The following FRYL variants were observed in gnomAD, a reference collection of about 807,000 sequenced individuals.
FRYL encodes the protein FRY like transcription coactivator, also known as protein furry homolog-like.
Under a neutral mutation model 351.2 loss-of-function variants are expected in FRYL, and 150 were observed. That is an observed-to-expected ratio of 0.43 (90% CI 0.37 to 0.49). The LOEUF (loss-of-function observed/expected upper bound fraction) is 0.49. Among genes scored for constraint, FRYL ranks in the 20% least tolerant of loss-of-function variants. The pLI, the probability that FRYL is intolerant of heterozygous loss-of-function variation, is 0.00. For synonymous variants in FRYL, 1,153 were observed against 1,257.1 expected (o/e 0.92, Z 1.75); for missense variants, 3,036 against 3,619.3 (o/e 0.84, Z 4.13).
At chr4:48,701,901 T>C (rs754091333) in intron 2 of FRYL, among the ~76,000 whole-genome samples, 6 of 152,218 alleles carry the variant, frequency 3.9e-5, no homozygotes, top group Non-Finnish European at 5.9e-5. Context: ...TACTGTCTTA[T>C]AAACATATTT....
intron 1 of FRYL, among the ~76,000 whole-genome samples, chr4:48,712,384 G>C (rs1306329306): frequency 1.3e-5 from 2 of 152,172 alleles, no homozygotes; most frequent in East Asian, 1.9e-4. Context: ...GGAGCCGATG[G>C]AGCTGAAAGC....
chr4:48,692,660 T>TCCCTAA (rs1460876913), intron 2 of FRYL, among the ~76,000 whole-genome samples: 1 of 152,246 alleles, frequency 6.6e-6, no homozygotes, highest in Non-Finnish European at 1.5e-5. Context: ...CCCTAAGTGC[T>TCCCTAA]GGGAGTACAC....
At position 48,534,555 on chromosome 4, in the gene FRYL, T is replaced by C; in HGVS notation, c.6695A>G (p.Lys2232Arg). 6.2e-7 allele frequency: 1 copy of C among 1,612,054 alleles called. No individual in the cohort carries two copies. Among genetic ancestry groups the C allele is most frequent in the Non-Finnish European group, 8.5e-7 (1 of 1,179,016 alleles). Residue 2232 changes from lysine to arginine, a missense_variant, in exon 49 of 64, where the codon AAA becomes AGA. Around this residue, in one of 7 missense-constraint regions of FRYL, gnomAD observed 1,987 missense variants for 2,311.7 expected, o/e 0.86. Transcript: ENST00000358350. ...FNLEIIKIIGKYVQSPYWKEA... is the reference protein window; with the variant it reads ...FNLEIIKIIGRYVQSPYWKEA... Reference sequence around the variant, plus strand: ...TTTGTGGTCACTCACCTGTACATATTTGCCAATAATCTTTATGATCTCCAG... The same window carrying C: ...TTTGTGGTCACTCACCTGTACATATCTGCCAATAATCTTTATGATCTCCAG...
At chr4:48,734,047 A>C (rs548239479) in intron 1 of FRYL, among the ~76,000 whole-genome samples, 13 of 152,206 alleles carry the variant, frequency 8.5e-5, no homozygotes, top group Admixed American at 7.9e-4. Context: ...TATTGTAGAT[A>C]TTAAACCAAC....
At chr4:48,594,624 T>A (rs1459127575) in intron 15 of FRYL, among the ~76,000 whole-genome samples, 1 of 152,232 alleles carries the variant, frequency 6.6e-6, no homozygotes. Context: ...GAATTACCAT[T>A]ACTTTTGTAC....
At chr4:48,749,528 C>T (rs1345351813) in intron 1 of FRYL, among the ~76,000 whole-genome samples, 1 of 152,086 alleles carries the variant, frequency 6.6e-6, no homozygotes, top group East Asian at 1.9e-4. Flanking sequence ...TGTGCCTTGT[C>T]GGGATCCTGG....
At chr4:48,678,869 G>C (rs1188039606) in intron 3 of FRYL, among the ~76,000 whole-genome samples, 1 of 151,808 alleles carries the variant, frequency 6.6e-6, no homozygotes, top group Non-Finnish European at 1.5e-5. Context: ...CTGCTTATTT[G>C]CAAATTAATA....
In FRYL at chr4:48,713,264, T is replaced by C. The variant is rs1578803305; in HGVS notation, c.-383-2566A>G. Among the ~76,000 whole-genome samples the C allele has an allele frequency of 2.0e-5, 3 of 152,130 alleles. No individual in the cohort carries two copies. The East Asian group carries it at 5.8e-4, about 29-fold the overall frequency. ...TATTTGTTAATAAAGTTAATTTAAA[T>C]GTAATAAAGTCCATTTAAATGTAAA... On this transcript the variant is annotated intron_variant, in intron 1 of 63. Transcript: ENST00000358350.
intron 1 of FRYL, among the ~76,000 whole-genome samples, chr4:48,762,533 T>C (rs1333489822): frequency 6.6e-6 from 1 of 152,196 alleles, no homozygotes; most frequent in African/African-American, 2.4e-5. Flanking sequence ...GGAGGGTATG[T>C]GACAGATGGC....
At chr4:48,628,413 A>C (rs1057015815) in intron 4 of FRYL, among the ~76,000 whole-genome samples, 1 of 140,214 alleles carries the variant, frequency 7.1e-6, no homozygotes, top group African/African-American at 2.6e-5. Flanking sequence ...TATTTTATAT[A>C]TATCTCCCCT....
intron 9 of FRYL, among the ~76,000 whole-genome samples, chr4:48,608,156 T>C (rs1383748216): frequency 6.6e-6 from 1 of 152,162 alleles, no homozygotes; most frequent in Non-Finnish European, 1.5e-5. Flanking sequence ...TTCCATAGCA[T>C]TTGCTATACA....
At chr4:48,578,917 C>T in intron 23 of FRYL, 56 bp downstream of exon 23, 2 of 1,428,016 alleles carry the variant, frequency 1.4e-6, no homozygotes, top group Non-Finnish European at 1.9e-6. Flanking sequence ...CAAATAAATA[C>T]ATATGAAAGC....
chr4:48,602,590 G>A (rs1745932554), intron 12 of FRYL, among the ~76,000 whole-genome samples: 1 of 151,958 alleles, frequency 6.6e-6, no homozygotes, highest in Non-Finnish European at 1.5e-5. Flanking sequence ...AAAGTACAAA[G>A]TACTTAGTTC....
At chr4:48,670,691 A>G (rs1424136541) in intron 3 of FRYL, among the ~76,000 whole-genome samples, 1 of 152,094 alleles carries the variant, frequency 6.6e-6, no homozygotes, top group Non-Finnish European at 1.5e-5. Flanking sequence ...AAGTGAAAAC[A>G]TGTGAAGTCT....
chr4:48,579,123 T>G lies in FRYL; in HGVS notation c.2378A>C (p.His793Pro). 2 of 1,614,054 alleles carry G rather than the reference T, an allele frequency of 1.2e-6. No homozygotes were observed. Among genetic ancestry groups the G allele is most frequent in the Non-Finnish European group, 1.7e-6 (2 of 1,179,938 alleles). Residue 793 changes from histidine (H) to proline (P), a missense_variant, in exon 23 of 64, where the codon CAT (histidine) becomes CCT (proline). Physicochemically the swap from His to Pro is moderately conservative, Grantham distance 77. Coordinates refer to ENST00000358350, the MANE Select transcript of FRYL (RefSeq NM_015030.2). ...CCATGGGTCTTGGCCTTGGGTCACA[T>G]GTGCAAATATCCATATATGTGATGG... ...ISPSHIWIFA[H>P]VTQGQDPWII...
rs1734257214 is a variant in FRYL, at chr4:48,556,996, T to A, written c.4248A>T (p.Glu1416Asp). 1 of 1,598,490 alleles carries A rather than the reference T, an allele frequency of 6.3e-7. No homozygotes were observed. The highest frequency in any genetic ancestry group is 1.3e-5 in the African/African-American group (1 of 74,278). Residue 1416 changes from glutamate to aspartate, a missense_variant, in exon 35 of 64, where the codon GAA becomes GAT. Around this residue, in one of 7 missense-constraint regions of FRYL, gnomAD observed 1,987 missense variants for 2,311.7 expected, o/e 0.86. Coordinates refer to ENST00000358350, the MANE Select transcript of FRYL (RefSeq NM_015030.2). Reference protein sequence around the residue: ...FLISICGVNSEPSLLPYVKKV... With the variant: ...FLISICGVNSDPSLLPYVKKV... ...TACATACGTAAGGCAAGAGGCTTGGTTCGCTATTCACCCCACAAATGCTGA... is the reference window on the plus strand; with the variant it reads ...TACATACGTAAGGCAAGAGGCTTGGATCGCTATTCACCCCACAAATGCTGA...
Position 48,499,526 on chromosome 4 carries a change from T to A in FRYL, c.8938A>T (p.Met2980Leu), listed in dbSNP as rs1488614970. The stretch of plus-strand genomic sequence containing the variant: ...TCTCTTATTTCCAGATTAAGTTCCA[T>A]CAGTTTGTAGTTGGCTTCTGACATG... ...LDMSEANYKL[M>L]ELNLEIRESL... The change falls in exon 64 of 64, where the codon ATG becomes TTG. Residue 2980 changes from methionine to leucine, a missense_variant. This residue lies in a region of FRYL where 1,987 missense variants were observed against 2,311.7 expected (regional missense o/e 0.86). Transcript: ENST00000358350. The A allele has an allele frequency of 6.2e-7, 1 of 1,614,010 alleles. No individual in the cohort carries two copies. The highest frequency in any genetic ancestry group is 8.5e-7 in the Non-Finnish European group (1 of 1,179,988).
intron 1 of FRYL, among the ~76,000 whole-genome samples, chr4:48,755,263 T>C (rs1467303765): frequency 1.3e-5 from 2 of 152,206 alleles, no homozygotes; most frequent in Non-Finnish European, 2.9e-5. Context: ...CCATTAGCCA[T>C]GGCCCACTAT....
chr4:48,597,519 T>C (rs1453003767), intron 13 of FRYL, among the ~76,000 whole-genome samples: 1 of 152,070 alleles, frequency 6.6e-6, no homozygotes, highest in Non-Finnish European at 1.5e-5. Context: ...TAGGGAAATT[T>C]ACCCACAGGA....
Sources: allele counts gnomAD v4.1 joint callset (sites outside exome capture counted in the v4.1 genomes callset), GRCh38; gene constraint gnomAD v4.1.1; regional missense constraint gnomAD v4.1.1; transcripts MANE v1.5; gene names NCBI Gene and HGNC (gene_info 2026-07-23, HGNC 2026-07-21).